JKAMP: variants seen among roughly 807,000 people sequenced by gnomAD.
JKAMP encodes the protein JNK1/MAPK8-associated membrane protein.
A neutral mutation model predicts 40.2 loss-of-function variants in JKAMP; 20 were observed. The ratio of observed to expected loss-of-function variants is 0.50; its 90% confidence interval spans 0.35 to 0.72. JKAMP has a LOEUF of 0.72. Ranked by LOEUF, JKAMP falls within the 30% of genes least tolerant of loss-of-function variation. JKAMP has a pLI of 0.01. For missense variants in JKAMP, 276 were observed against 373.0 expected, an observed-to-expected ratio of 0.74 and a Z score of 2.14; for synonymous variants, 138 against 131.6, an observed-to-expected ratio of 1.05 and a Z score of -0.33.
In JKAMP at chr14:59,487,793, T is replaced by C. The variant is rs779949143; in HGVS notation, c.216T>C (p.His72=). The C allele has an allele frequency of 6.2e-7, 1 of 1,613,660 alleles. No homozygotes were observed. The highest frequency in any genetic ancestry group is 1.1e-5 in the South Asian group (1 of 91,082). Residue 72 remains histidine (H), a synonymous_variant, in exon 3 of 7, where the codon CAT becomes CAC. Transcript: ENST00000616435. ...GFMAMLPLVL[H]WFFIEWYSGK... Reference sequence around the variant, plus strand: ...TGGCAATGCTTCCTCTGGTTTTACATTGGTTCTTCATTGAATGGTACTCGG... The same window carrying C: ...TGGCAATGCTTCCTCTGGTTTTACACTGGTTCTTCATTGAATGGTACTCGG...
At chr14:59,493,799 G>A (rs557792621) in intron 3 of JKAMP, among the ~76,000 whole-genome samples, 55 of 152,216 alleles carry the variant, frequency 3.6e-4, no homozygotes, top group African/African-American at 1.1e-3. Flanking sequence ...TAGAAAAAAT[G>A]TACATGACAT....
intron 5 of JKAMP, 108 bp downstream of exon 5, chr14:59,499,016 T>A: frequency 2.6e-5 from 1 of 39,042 alleles, no homozygotes; most frequent in Non-Finnish European, 4.5e-5. Flanking sequence ...TGTTTAATCC[T>A]TTTTTTTTTT....
At chr14:59,484,992 T>G in intron 1 of JKAMP, 1 of 1,581,346 alleles carries the variant, frequency 6.3e-7, no homozygotes, top group Non-Finnish European at 8.5e-7. Flanking sequence ...AAACGTAGAT[T>G]TATAGCGCCC....
chr14:59,492,469 T>A (rs1364067642), intron 3 of JKAMP, among the ~76,000 whole-genome samples: 2 of 152,182 alleles, frequency 1.3e-5, no homozygotes, highest in African/African-American at 4.8e-5. Context: ...TTCCATGAAC[T>A]TCTGGGGTCC....
At chr14:59,495,932 C>T (rs1566579350) in intron 4 of JKAMP, among the ~76,000 whole-genome samples, 2 of 152,318 alleles carry the variant, frequency 1.3e-5, no homozygotes, top group African/African-American at 4.8e-5. Context: ...GACAGAGTCT[C>T]GTTCTGTCAC....
intron 3 of JKAMP, among the ~76,000 whole-genome samples, chr14:59,494,582 C>T (rs1445180480): frequency 6.6e-6 from 1 of 152,124 alleles, no homozygotes; most frequent in Admixed American, 6.5e-5. Flanking sequence ...ACATGGTTGC[C>T]TCTAAGGGAG....
chr14:59,503,795 C>A, intron 6 of JKAMP, 59 bp from the exon 7 acceptor site: 3 of 994,470 alleles, frequency 3.0e-6, no homozygotes, highest in Non-Finnish European at 3.1e-6. Flanking sequence ...TTAAATTACC[C>A]AGCTGACTTA....
intron 3 of JKAMP, among the ~76,000 whole-genome samples, chr14:59,490,895 C>T (rs1890943382): frequency 6.6e-6 from 1 of 152,170 alleles, no homozygotes; most frequent in South Asian, 2.1e-4. Context: ...CGTTTGAATT[C>T]AGACGTCAGC....
intron 3 of JKAMP, among the ~76,000 whole-genome samples, chr14:59,490,414 C>T (rs1594935789): frequency 6.6e-6 from 1 of 152,148 alleles, no homozygotes; most frequent in African/African-American, 2.4e-5. Context: ...AAAAAAATCA[C>T]TCCGTATTTG....
At chr14:59,485,116 A>G (rs143546562) in intron 1 of JKAMP, 1 of 1,598,432 alleles carries the variant, frequency 6.3e-7, no homozygotes, top group Non-Finnish European at 8.5e-7. Context: ...GGTTTTGCTT[A>G]GTAAGTGATA....
At chr14:59,493,425 A>G (rs1404123903) in intron 3 of JKAMP, among the ~76,000 whole-genome samples, 1 of 152,216 alleles carries the variant, frequency 6.6e-6, no homozygotes, top group Non-Finnish European at 1.5e-5. Context: ...GTGGAGCAGA[A>G]AGAACTGCCC....
intron 6 of JKAMP, among the ~76,000 whole-genome samples, chr14:59,503,042 C>T (rs1177185566): frequency 7.9e-5 from 12 of 152,038 alleles, no homozygotes; most frequent in Admixed American, 7.9e-4. Context: ...GCCACCACGC[C>T]TGACCTTGAA....
chr14:59,489,969 C>T (rs907869129), intron 3 of JKAMP, among the ~76,000 whole-genome samples: 10 of 152,054 alleles, frequency 6.6e-5, no homozygotes, highest in Non-Finnish European at 1.2e-4. Context: ...GTCACCTAGG[C>T]TGTATTGCAG....
intron 3 of JKAMP, among the ~76,000 whole-genome samples, chr14:59,493,804 T>C (rs10129252): frequency 0.39 from 58,915 of 151,612 alleles, 12,129 homozygotes; most frequent in African/African-American, 0.52. Context: ...AAAATGTACA[T>C]GACATCAAGG....
intron 4 of JKAMP, among the ~76,000 whole-genome samples, chr14:59,496,878 A>G (rs1323166394): frequency 6.6e-6 from 1 of 152,172 alleles, no homozygotes; most frequent in African/African-American, 2.4e-5. Flanking sequence ...ATTATATAGT[A>G]TCTTATAGCA....
intron 4 of JKAMP, among the ~76,000 whole-genome samples, chr14:59,498,071 G>A (rs2139899834): frequency 6.6e-6 from 1 of 151,910 alleles, no homozygotes; most frequent in Admixed American, 6.6e-5. Flanking sequence ...ATTAAAAATG[G>A]GACATTCAAA....
In JKAMP at chr14:59,484,532, G is replaced by A; in HGVS notation, c.-58G>A. ...CGAGCTCGCTGTGGCCCGGATGTTC[G>A]GTGCAGCTGCCAGATCCGCTGATCT... On this transcript the variant is annotated 5_prime_UTR_variant, in exon 1 of 7. Transcript: ENST00000616435. 5.1e-6 allele frequency: 8 copies of A among 1,556,864 alleles called. No individual in the cohort carries two copies. The highest frequency in any genetic ancestry group is 6.1e-6 in the Non-Finnish European group (7 of 1,149,592).
intron 6 of JKAMP, 52 bp from the exon 7 acceptor site, chr14:59,503,802 C>T (rs918917569): frequency 2.9e-5 from 32 of 1,108,930 alleles, no homozygotes; most frequent in Non-Finnish European, 3.9e-5. Flanking sequence ...ACCCAGCTGA[C>T]TTAGCCTGAT....
At position 59,484,539 on chromosome 14, in the gene JKAMP, C is replaced by G; in HGVS notation, c.-51C>G. On this transcript the variant is annotated 5_prime_UTR_variant, in exon 1 of 7. Transcript: ENST00000616435. ...GCTGTGGCCCGGATGTTCGGTGCAG[C>G]TGCCAGATCCGCTGATCTAGTGCTT... The G allele has an allele frequency of 1.9e-6, 3 of 1,560,628 alleles. No homozygotes were observed. Among genetic ancestry groups the G allele is most frequent in the Non-Finnish European group, 2.6e-6 (3 of 1,152,154 alleles).
Sources: allele counts gnomAD v4.1 joint callset (sites outside exome capture counted in the v4.1 genomes callset), GRCh38; gene constraint gnomAD v4.1.1; transcripts MANE v1.5; gene names NCBI Gene and HGNC (gene_info 2026-07-23, HGNC 2026-07-21).